The following CDH20 variants were observed in gnomAD, a reference collection of about 807,000 sequenced individuals.
CDH20 encodes the protein cadherin 20, also known as cadherin-20.
A neutral mutation model predicts 74.2 loss-of-function variants in CDH20; 29 were observed. That is an observed-to-expected ratio of 0.39 (90% CI 0.29 to 0.53). The LOEUF is 0.53. Ranked by LOEUF, CDH20 falls within the 20% of genes least tolerant of loss-of-function variation. The pLI, the probability that CDH20 is intolerant of heterozygous loss-of-function variation, is 0.69. For missense variants in CDH20, 988 were observed against 1,048.3 expected, an observed-to-expected ratio of 0.94 and a Z score of 0.79; for synonymous variants, 469 against 405.4, an observed-to-expected ratio of 1.16 and a Z score of -1.88.
intron 1 of CDH20, among the ~76,000 whole-genome samples, chr18:61,358,187 T>C (rs1172927286): frequency 2.6e-5 from 4 of 151,334 alleles, no homozygotes; most frequent in African/African-American, 9.7e-5. Context: ...TGATGTCTGC[T>C]CACTGCAAGC....
At chr18:61,434,135 A>G (rs1237516431) in intron 1 of CDH20, among the ~76,000 whole-genome samples, 1 of 152,158 alleles carries the variant, frequency 6.6e-6, no homozygotes, top group Non-Finnish European at 1.5e-5. Flanking sequence ...GTATTTTCAC[A>G]TAGCATTCTA....
chr18:61,548,015 T>TA lies in CDH20; in HGVS notation c.1649-1954dup, dbSNP rs61110881. Among the ~76,000 whole-genome samples the TA allele has an allele frequency of 5.9e-3, 898 of 151,436 alleles. 10 individuals are homozygous for TA. Among genetic ancestry groups the TA allele is most frequent in the African/African-American group, 0.021 (849 of 41,298 alleles). ...CCTCACCTGGATTAAACCAAAAAAA[T>TA]AAAAAAAAAGTTCTGATTAGAGAAA... On this transcript the variant is annotated intron_variant, in intron 10 of 11. Transcript: ENST00000262717.
intron 1 of CDH20, among the ~76,000 whole-genome samples, chr18:61,360,323 A>T (rs1335520762): frequency 6.6e-6 from 1 of 152,212 alleles, no homozygotes; most frequent in Admixed American, 6.5e-5. Flanking sequence ...AAAAGTTGGC[A>T]ATAGTAGATA....
At chr18:61,408,944 T>C (rs1298216083) in intron 1 of CDH20, among the ~76,000 whole-genome samples, 1 of 152,224 alleles carries the variant, frequency 6.6e-6, no homozygotes, top group African/African-American at 2.4e-5. Flanking sequence ...CAGACCTTTT[T>C]AATTCTAGCA....
chr18:61,381,506 T>G (rs1433999395), intron 1 of CDH20, among the ~76,000 whole-genome samples: 1 of 152,214 alleles, frequency 6.6e-6, no homozygotes, highest in Non-Finnish European at 1.5e-5. Context: ...CTACCTGCCT[T>G]CTTTGAATAG....
intron 11 of CDH20, among the ~76,000 whole-genome samples, chr18:61,550,612 A>G (rs1913400288): frequency 6.6e-6 from 1 of 152,214 alleles, no homozygotes; most frequent in Non-Finnish European, 1.5e-5. Flanking sequence ...TAACCCCTTC[A>G]TTTAAGTAGT....
intron 11 of CDH20, among the ~76,000 whole-genome samples, chr18:61,553,279 A>G (rs571872864): frequency 6.6e-6 from 1 of 152,236 alleles, no homozygotes; most frequent in Admixed American, 6.5e-5. Flanking sequence ...AAAAAAATCA[A>G]TAGCAGTTCT....
In CDH20 at chr18:61,551,035, A is replaced by G. The variant is rs187175651; in HGVS notation, c.1900+806A>G. On this transcript the variant is annotated intron_variant, in intron 11 of 11. Transcript: ENST00000262717. The stretch of plus-strand genomic sequence containing the variant: ...TTGCCTCTGCTGAAGAAATAAGGAC[A>G]TAACAGGCTAGCAGTGGCAGAACAC... Among the ~76,000 whole-genome samples, 22 of 152,308 alleles carry G rather than the reference A, an allele frequency of 1.4e-4. No homozygotes were observed. In the East Asian group the frequency reaches 4.1e-3, roughly 28 times the overall value.
At chr18:61,549,165 T>C (rs1036906470) in intron 10 of CDH20, among the ~76,000 whole-genome samples, 3 of 152,208 alleles carry the variant, frequency 2.0e-5, no homozygotes, top group African/African-American at 7.2e-5. Context: ...CTTGAGAATG[T>C]AGATTTTAAA....
chr18:61,414,482 A>T (rs1912620841), intron 1 of CDH20, among the ~76,000 whole-genome samples: 1 of 152,198 alleles, frequency 6.6e-6, no homozygotes, highest in African/African-American at 2.4e-5. Context: ...ATAGATATTA[A>T]TTGAAAACAG....
intron 1 of CDH20, among the ~76,000 whole-genome samples, chr18:61,479,993 T>A (rs1910531704): frequency 6.6e-6 from 1 of 152,146 alleles, no homozygotes. Flanking sequence ...AAGTCTATCT[T>A]GAAAAAGCTG....
At chr18:61,348,932 T>C (rs991635856) in intron 1 of CDH20, among the ~76,000 whole-genome samples, 1 of 152,144 alleles carries the variant, frequency 6.6e-6, no homozygotes, top group Non-Finnish European at 1.5e-5. Flanking sequence ...AGGGGGAAAT[T>C]TTTCAGCACG....
At chr18:61,427,714 A>G (rs1490726712) in intron 1 of CDH20, among the ~76,000 whole-genome samples, 1 of 152,236 alleles carries the variant, frequency 6.6e-6, no homozygotes, top group Non-Finnish European at 1.5e-5. Flanking sequence ...AAACTGATAA[A>G]CAGTTCACAG....
chr18:61,517,488 G>A (rs907009029), intron 6 of CDH20, among the ~76,000 whole-genome samples: 2 of 152,184 alleles, frequency 1.3e-5, no homozygotes, highest in African/African-American at 4.8e-5. Flanking sequence ...CAAGGGGTCA[G>A]GGAACTCCCT....
At chr18:61,371,957 TTTAAGG>T (rs1164435514) in intron 1 of CDH20, among the ~76,000 whole-genome samples, 1 of 152,058 alleles carries the variant, frequency 6.6e-6, no homozygotes, top group African/African-American at 2.4e-5. Context: ...TCCCTCATAC[TTTAAGG>T]TTATGTTCTT....
intron 1 of CDH20, among the ~76,000 whole-genome samples, chr18:61,439,730 T>A (rs967627903): frequency 3.3e-5 from 5 of 152,114 alleles, no homozygotes; most frequent in Admixed American, 6.6e-5. Context: ...TTTATTATAC[T>A]GCAAACCCAA....
chr18:61,464,081 A>G (rs963134784), intron 1 of CDH20, among the ~76,000 whole-genome samples: 3 of 152,208 alleles, frequency 2.0e-5, no homozygotes, highest in Non-Finnish European at 4.4e-5. Flanking sequence ...CACCAGCTAC[A>G]GTGTTTATGT....
rs1913446708 is a variant in CDH20, at chr18:61,551,820, G to A, written c.1900+1591G>A. 1.3e-5 allele frequency among the ~76,000 whole-genome samples: 2 copies of A among 152,076 alleles called. 1 individual carries two copies. The highest frequency in any genetic ancestry group is 4.1e-4 in the South Asian group (2 of 4,826). On this transcript the variant is annotated intron_variant, in intron 11 of 11. Transcript: ENST00000262717. ...CTTACTTCTATCTTTGGAAAATGTC[G>A]AAGTTAAAAGTTCGCCCTGGCCCAC...
intron 1 of CDH20, among the ~76,000 whole-genome samples, chr18:61,393,610 C>G (rs1911865433): frequency 6.6e-6 from 1 of 152,136 alleles, no homozygotes; most frequent in Non-Finnish European, 1.5e-5. Flanking sequence ...TAGCTGTAGG[C>G]AGATTGGCAC....
Sources: allele counts gnomAD v4.1 joint callset (sites outside exome capture counted in the v4.1 genomes callset), GRCh38; gene constraint gnomAD v4.1.1; transcripts MANE v1.5; gene names NCBI Gene and HGNC (gene_info 2026-07-23, HGNC 2026-07-21).